TRAPPC9: variants seen among roughly 807,000 people sequenced by gnomAD.
TRAPPC9 encodes the protein IKK2 binding protein.
A neutral mutation model predicts 124.0 loss-of-function variants in TRAPPC9; 83 were observed. That is an observed-to-expected ratio of 0.67 (90% CI 0.56 to 0.80). The LOEUF is 0.80. Among genes scored for constraint, TRAPPC9 ranks in the 30% least tolerant of loss-of-function variants. The probability of loss-of-function intolerance (pLI) is 0.00; values close to 1 mark genes in which losing one functional copy is unlikely to be tolerated. For synonymous variants in TRAPPC9, 638 were observed against 617.5 expected (o/e 1.03, Z -0.49); for missense variants, 1,302 against 1,508.3 (o/e 0.86, Z 2.27).
At chr8:139,992,505 A>G (rs1343577824) in intron 18 of TRAPPC9, among the ~76,000 whole-genome samples, 1 of 151,970 alleles carries the variant, frequency 6.6e-6, no homozygotes, top group African/African-American at 2.4e-5. Context: ...AACCCACGTT[A>G]TGTTCAAAGA....
chr8:140,335,434 C>A (rs2067009238), intron 9 of TRAPPC9, among the ~76,000 whole-genome samples: 1 of 152,092 alleles, frequency 6.6e-6, no homozygotes, highest in Admixed American at 6.6e-5. Flanking sequence ...TTGGGGATGA[C>A]TGACAAAGTT....
At chr8:140,302,265 C>G (rs116016835) in intron 10 of TRAPPC9, among the ~76,000 whole-genome samples, 2 of 152,186 alleles carry the variant, frequency 1.3e-5, no homozygotes, top group East Asian at 3.9e-4. Flanking sequence ...GCTAACCCCG[C>G]GCCCTCCAGA....
chr8:139,782,792 T>C (rs949269035), intron 21 of TRAPPC9, among the ~76,000 whole-genome samples: 2 of 152,212 alleles, frequency 1.3e-5, no homozygotes, highest in African/African-American at 4.8e-5. Context: ...TATTTATCAA[T>C]ATAGACCATA....
chr8:140,269,164 C>T (rs1440495279), intron 15 of TRAPPC9, among the ~76,000 whole-genome samples: 1 of 152,034 alleles, frequency 6.6e-6, no homozygotes, highest in African/African-American at 2.4e-5. Context: ...AAAGTGAACT[C>T]TAGTTAATGG....
intron 9 of TRAPPC9, among the ~76,000 whole-genome samples, chr8:140,320,265 G>A (rs1405120174): frequency 6.6e-6 from 1 of 152,186 alleles, no homozygotes; most frequent in East Asian, 1.9e-4. Context: ...CCACTAAGCA[G>A]GGCTTTGTCC....
At chr8:140,050,856 C>G (rs1841950689) in intron 17 of TRAPPC9, among the ~76,000 whole-genome samples, 1 of 152,234 alleles carries the variant, frequency 6.6e-6, no homozygotes, top group African/African-American at 2.4e-5. Flanking sequence ...GGGGGCCACA[C>G]AGCCCTGCAC....
At chr8:140,250,640 C>T (rs978644582) in intron 16 of TRAPPC9, among the ~76,000 whole-genome samples, 1 of 152,164 alleles carries the variant, frequency 6.6e-6, no homozygotes, top group African/African-American at 2.4e-5. Context: ...GGTGGTTCTT[C>T]GTGCCTACCT....
intron 9 of TRAPPC9, among the ~76,000 whole-genome samples, chr8:140,355,217 C>T (rs140634935): frequency 1.3e-5 from 2 of 152,326 alleles, no homozygotes; most frequent in East Asian, 1.9e-4. Flanking sequence ...GGTTATGCTG[C>T]CTTTTCATCA....
intron 17 of TRAPPC9, among the ~76,000 whole-genome samples, chr8:140,058,245 G>A (rs1287197557): frequency 2.6e-5 from 4 of 152,024 alleles, no homozygotes; most frequent in Admixed American, 6.6e-5. Context: ...GGGGTGGGTG[G>A]GGGAGGAGGT....
chr8:140,006,443 C>G (rs1056146596), intron 18 of TRAPPC9, among the ~76,000 whole-genome samples: 7 of 152,104 alleles, frequency 4.6e-5, no homozygotes, highest in Admixed American at 3.9e-4. Flanking sequence ...AATCCAGCAG[C>G]TCCTTAAACT....
intron 9 of TRAPPC9, among the ~76,000 whole-genome samples, chr8:140,350,696 A>G (rs1235725219): frequency 6.6e-6 from 1 of 152,142 alleles, no homozygotes; most frequent in East Asian, 1.9e-4. Flanking sequence ...AAGATCGCCC[A>G]GGAACAGGCA....
At chr8:140,193,148 A>G (rs1676632825) in intron 17 of TRAPPC9, among the ~76,000 whole-genome samples, 1 of 152,230 alleles carries the variant, frequency 6.6e-6, no homozygotes, top group Admixed American at 6.5e-5. Flanking sequence ...CCTCTGCCAC[A>G]TATACCTTCA....
chr8:140,108,439 C>G (rs1287599671), intron 17 of TRAPPC9, among the ~76,000 whole-genome samples: 1 of 152,220 alleles, frequency 6.6e-6, no homozygotes, highest in Non-Finnish European at 1.5e-5. Flanking sequence ...CCAGCATAGT[C>G]CCTGACACAG....
intron 19 of TRAPPC9, among the ~76,000 whole-genome samples, chr8:139,965,595 T>C (rs1404511632): frequency 6.8e-6 from 1 of 147,360 alleles, no homozygotes; most frequent in African/African-American, 2.5e-5. Flanking sequence ...AAAGAAGCTT[T>C]GCTTGCTGGT....
intron 9 of TRAPPC9, among the ~76,000 whole-genome samples, chr8:140,321,099 AG>A (rs2066579759): frequency 6.6e-6 from 1 of 152,256 alleles, no homozygotes; most frequent in Admixed American, 6.5e-5. Context: ...GCTCGCTGAG[AG>A]GAGCACAGTT....
chr8:139,943,795 A>G (rs564091241), intron 19 of TRAPPC9, among the ~76,000 whole-genome samples: 1 of 152,342 alleles, frequency 6.6e-6, no homozygotes, highest in Admixed American at 6.5e-5. Context: ...CAGAAGAATG[A>G]AAGTGATGGA....
intron 21 of TRAPPC9, among the ~76,000 whole-genome samples, chr8:139,787,604 T>C (rs1213981592): frequency 6.6e-6 from 1 of 152,198 alleles, no homozygotes; most frequent in African/African-American, 2.4e-5. Context: ...CTAAGGACGC[T>C]GATATACACA....
At chr8:140,211,814 C>G (rs559656250) in intron 17 of TRAPPC9, among the ~76,000 whole-genome samples, 1 of 152,256 alleles carries the variant, frequency 6.6e-6, no homozygotes, top group East Asian at 1.9e-4. Flanking sequence ...ATATCCGGGT[C>G]AAGAAATGTG....
In TRAPPC9 at chr8:140,116,917, G is replaced by A. The variant is rs543602808; in HGVS notation, c.2557-92838C>T. On this transcript the variant is annotated intron_variant, in intron 17 of 22. Transcript: ENST00000438773. ...AGTAGGCGGAGTTCAGTAAGTAGGC[G>A]GAGTTCAGTGAGTAGGCGGAGTTCA... Among the ~76,000 whole-genome samples, 178 of 150,976 alleles carry A rather than the reference G, an allele frequency of 1.2e-3. 2 individuals are homozygous for A. Among genetic ancestry groups the A allele is most frequent in the African/African-American group, 4.1e-3 (169 of 40,922 alleles).
Sources: gnomAD v4.1 joint callset for allele counts (sites outside exome capture counted in the v4.1 genomes callset) on GRCh38, gnomAD v4.1.1 for gene constraint, MANE v1.5 for transcripts, NCBI Gene and HGNC (gene_info 2026-07-23, HGNC 2026-07-21) for gene names.